CCSER1: variants seen among roughly 807,000 people sequenced by gnomAD.
The protein encoded by CCSER1 is coiled-coil serine rich protein 1, also known as serine-rich coiled-coil domain-containing protein 1.
Under a neutral mutation model 82.0 loss-of-function variants are expected in CCSER1, and 41 were observed. The ratio of observed to expected loss-of-function variants is 0.50; its 90% CI spans 0.39 to 0.65. The LOEUF (loss-of-function observed/expected upper bound fraction) is 0.65. Ranked by LOEUF, CCSER1 falls within the 30% of genes least tolerant of loss-of-function variation. CCSER1 has a pLI of 0.00. For missense variants in CCSER1, 1,119 were observed against 1,064.2 expected (o/e 1.05, Z -0.72); for synonymous variants, 414 against 383.9 (o/e 1.08, Z -0.92).
At chr4:90,517,786 C>T (rs891026522) in intron 5 of CCSER1, among the ~76,000 whole-genome samples, 7 of 152,048 alleles carry the variant, frequency 4.6e-5, no homozygotes, top group Middle Eastern at 3.2e-3. Flanking sequence ...GGACTAAGCT[C>T]GCACTTGTGT....
chr4:91,337,445 T>C (rs2149283481), intron 10 of CCSER1, among the ~76,000 whole-genome samples: 1 of 152,270 alleles, frequency 6.6e-6, no homozygotes, highest in East Asian at 1.9e-4. Context: ...TTAGAACATC[T>C]GGCATTTTAA....
chr4:90,617,517 G>T (rs1414772974), intron 5 of CCSER1, among the ~76,000 whole-genome samples: 1 of 152,128 alleles, frequency 6.6e-6, no homozygotes, highest in Non-Finnish European at 1.5e-5. Flanking sequence ...AACAGTCAAA[G>T]AAAAATATAT....
At chr4:91,025,916 A>T (rs750726098) in intron 9 of CCSER1, among the ~76,000 whole-genome samples, 1 of 147,632 alleles carries the variant, frequency 6.8e-6, no homozygotes, top group Non-Finnish European at 1.5e-5. Context: ...AACACAGCCT[A>T]AACTCACTGA....
chr4:90,375,156 A>T (rs1388123319), intron 3 of CCSER1, among the ~76,000 whole-genome samples: 2 of 152,162 alleles, frequency 1.3e-5, no homozygotes, highest in Non-Finnish European at 2.9e-5. Context: ...TGGGGACTCA[A>T]AACTTAATTC....
intron 10 of CCSER1, among the ~76,000 whole-genome samples, chr4:91,535,822 G>A (rs1038288553): frequency 1.4e-4 from 22 of 151,938 alleles, no homozygotes; most frequent in African/African-American, 4.6e-4. Context: ...AGACATAAAC[G>A]TAATGACTAT....
At chr4:90,403,930 C>T (rs984443669) in intron 4 of CCSER1, 9 of 152,082 alleles carry the variant, frequency 5.9e-5, no homozygotes, top group East Asian at 1.9e-4. Context: ...CAAGAACTAC[C>T]GCAGGAACAT....
chr4:90,298,472 G>T (rs1209441009), intron 1 of CCSER1, among the ~76,000 whole-genome samples: 1 of 150,594 alleles, frequency 6.6e-6, no homozygotes, highest in East Asian at 2.0e-4. Flanking sequence ...TTTTTGAAGG[G>T]TTTTTTGTGT....
rs61457393 is a variant in CCSER1, at chr4:90,782,685, CT to C, written c.2011-33061del. On this transcript the variant is annotated intron_variant, in intron 7 of 10. Transcript: ENST00000509176. ...AGGGATTTCTTTCTTTTCTTTCTTT[CT>C]TTTTTTTTTTTTTTTGAGACAGTCT... Among the ~76,000 whole-genome samples, 86 of 133,970 alleles carry C rather than the reference CT, an allele frequency of 6.4e-4. 1 individual carries two copies. The highest frequency in any genetic ancestry group is 9.1e-4 in the South Asian group (4 of 4,388). The allele number at this position is 133,970 out of a possible 152,430, so 87.9% of individuals were successfully genotyped here.
At chr4:90,196,242 T>C (rs953360341) in intron 1 of CCSER1, among the ~76,000 whole-genome samples, 2 of 152,034 alleles carry the variant, frequency 1.3e-5, no homozygotes, top group Non-Finnish European at 2.9e-5. Flanking sequence ...AATCCTCCAC[T>C]GCAGACCTTA....
intron 9 of CCSER1, among the ~76,000 whole-genome samples, chr4:90,984,421 G>A (rs1736401750): frequency 1.3e-5 from 2 of 151,726 alleles, no homozygotes; most frequent in Admixed American, 1.3e-4. Context: ...CGTTAGCCAA[G>A]CAGGATCCTG....
intron 6 of CCSER1, among the ~76,000 whole-genome samples, chr4:90,637,989 C>T (rs554946045): frequency 4.6e-5 from 7 of 152,082 alleles, no homozygotes; most frequent in Non-Finnish European, 7.4e-5. Context: ...GAACCTTATT[C>T]GGGAATCACT....
intron 10 of CCSER1, among the ~76,000 whole-genome samples, chr4:91,384,096 A>G (rs1751114386): frequency 6.6e-6 from 1 of 152,100 alleles, no homozygotes. Context: ...GTTTCCAACT[A>G]CTATATAATG....
rs754754971 is a variant in CCSER1, at chr4:90,470,762, C to CAAAAAAAAAAAA, written c.1724+2416_1724+2427dup. The stretch of plus-strand genomic sequence containing the variant: ...AATTTCTCATTCCTTTTAATCAAAG[C>CAAAAAAAAAAAA]AAAAAAAAAAAAAAAAAAACAAAAC... On this transcript the variant is annotated intron_variant, in intron 5 of 10. Transcript: ENST00000509176. 2.1e-4 allele frequency among the ~76,000 whole-genome samples: 15 copies of CAAAAAAAAAAAA among 71,246 alleles called. 1 individual carries two copies. The highest frequency in any genetic ancestry group is 5.7e-4 in the African/African-American group (11 of 19,232). 46.7% of individuals were successfully genotyped at this position (71,246 alleles called of 152,430 possible).
chr4:91,028,079 T>G (rs752171643), intron 9 of CCSER1, among the ~76,000 whole-genome samples: 8 of 152,028 alleles, frequency 5.3e-5, no homozygotes, highest in Non-Finnish European at 7.4e-5. Flanking sequence ...ACTTTATAAT[T>G]GAACATACTT....
chr4:90,644,544 T>C (rs1422485468), intron 6 of CCSER1, among the ~76,000 whole-genome samples: 1 of 152,036 alleles, frequency 6.6e-6, no homozygotes, highest in Non-Finnish European at 1.5e-5. Flanking sequence ...TGTGCCATGG[T>C]GGTTTACTGC....
intron 9 of CCSER1, among the ~76,000 whole-genome samples, chr4:90,993,475 A>C (rs563426043): frequency 4.0e-5 from 6 of 148,482 alleles, no homozygotes; most frequent in African/African-American, 7.5e-5. Flanking sequence ...TTTTTTTTCT[A>C]TCTCTCTTCT....
At chr4:90,817,082 T>C (rs754388355) in intron 8 of CCSER1, among the ~76,000 whole-genome samples, 13 of 152,284 alleles carry the variant, frequency 8.5e-5, no homozygotes, top group Non-Finnish European at 1.5e-4. Flanking sequence ...TAACATATTG[T>C]AGTGTCAATT....
At chr4:90,914,209 C>G (rs1043043925) in intron 8 of CCSER1, among the ~76,000 whole-genome samples, 1 of 152,178 alleles carries the variant, frequency 6.6e-6, no homozygotes, top group Non-Finnish European at 1.5e-5. Context: ...CAGCCCCACA[C>G]TGCACTTATT....
chr4:91,145,653 T>C (rs1014719639), intron 10 of CCSER1, among the ~76,000 whole-genome samples: 1 of 152,164 alleles, frequency 6.6e-6, no homozygotes, highest in Non-Finnish European at 1.5e-5. Context: ...ATAGTGGTAA[T>C]AGACTCTCTT....
Sources: gnomAD v4.1 joint callset for allele counts (sites outside exome capture counted in the v4.1 genomes callset) on GRCh38, gnomAD v4.1.1 for gene constraint, MANE v1.5 for transcripts, NCBI Gene and HGNC (gene_info 2026-07-23, HGNC 2026-07-21) for gene names.